The following UBAC1 variants were observed in gnomAD, a reference collection of about 807,000 sequenced individuals.
UBAC1 encodes the protein UBA domain containing 1.
A neutral mutation model predicts 45.9 loss-of-function variants in UBAC1; 27 were observed. That is an observed-to-expected ratio of 0.59 (90% CI 0.43 to 0.81). The LOEUF (loss-of-function observed/expected upper bound fraction) is 0.81. UBAC1 is among the 30% of genes least tolerant of loss of function. UBAC1 has a pLI of 0.00. For missense variants in UBAC1, 529 were observed against 539.2 expected, an observed-to-expected ratio of 0.98 and a Z score of 0.19; for synonymous variants, 227 against 215.5, an observed-to-expected ratio of 1.05 and a Z score of -0.47.
intron 7 of UBAC1, among the ~76,000 whole-genome samples, chr9:135,944,220 C>T (rs938100781): frequency 2.6e-5 from 4 of 152,192 alleles, no homozygotes; most frequent in African/African-American, 7.2e-5. Flanking sequence ...GGTTACACTG[C>T]GGGACATGGT....
chr9:135,939,933 T>C (rs909861226), intron 7 of UBAC1, among the ~76,000 whole-genome samples, 174 bp from the exon 8 acceptor site: 8 of 152,244 alleles, frequency 5.3e-5, no homozygotes, highest in Admixed American at 2.6e-4. Flanking sequence ...AGATCTTGGT[T>C]TTCAGCATCC....
intron 3 of UBAC1, among the ~76,000 whole-genome samples, chr9:135,950,893 G>A (rs575779255): frequency 1.1e-4 from 16 of 152,334 alleles, no homozygotes; most frequent in African/African-American, 3.8e-4. Context: ...AGGAGTTCAA[G>A]ACCAGCCTGG....
intron 3 of UBAC1, among the ~76,000 whole-genome samples, chr9:135,952,680 C>T (rs529923665): frequency 6.0e-4 from 91 of 152,362 alleles, no homozygotes; most frequent in African/African-American, 2.0e-3. Flanking sequence ...CAGCCTCTCT[C>T]AGCATTAACA....
At chr9:135,936,083 A>G (rs149707881) in intron 9 of UBAC1, among the ~76,000 whole-genome samples, 3,593 of 151,924 alleles carry the variant, frequency 0.024, 50 homozygotes, top group African/African-American at 0.024. Flanking sequence ...TGTCTATAAT[A>G]TGGAGGTGGG....
intron 1 of UBAC1, among the ~76,000 whole-genome samples, chr9:135,960,413 A>G (rs1405947314): frequency 6.6e-6 from 1 of 152,182 alleles, no homozygotes; most frequent in African/African-American, 2.4e-5. Context: ...GCAGGGGCGC[A>G]GGGCCTTGTC....
intron 4 of UBAC1, among the ~76,000 whole-genome samples, chr9:135,946,716 C>T (rs1396445893): frequency 6.6e-6 from 1 of 152,254 alleles, no homozygotes; most frequent in Admixed American, 6.5e-5. Flanking sequence ...AAAACAGAAT[C>T]ATCTGAGGCT....
At chr9:135,952,010 A>G (rs1041078911) in intron 3 of UBAC1, among the ~76,000 whole-genome samples, 2 of 152,196 alleles carry the variant, frequency 1.3e-5, no homozygotes, top group African/African-American at 4.8e-5. Flanking sequence ...CGGGCCTGTA[A>G]GTCTGAACAC....
At chr9:135,950,059 C>T (rs1424906610) in intron 3 of UBAC1, among the ~76,000 whole-genome samples, 6 of 152,202 alleles carry the variant, frequency 3.9e-5, no homozygotes, top group East Asian at 1.9e-4. Flanking sequence ...CTCTGCCAAC[C>T]GCCGGAAGAC....
At chr9:135,945,709 C>G in intron 6 of UBAC1, 180 bp downstream of exon 6, 1 of 599,862 alleles carries the variant, frequency 1.7e-6, no homozygotes. Context: ...AACGACTGTT[C>G]TGTCACATTC....
intron 1 of UBAC1, among the ~76,000 whole-genome samples, chr9:135,959,985 C>T (rs1839512361): frequency 6.6e-6 from 1 of 152,218 alleles, no homozygotes; most frequent in Admixed American, 6.5e-5. Context: ...TCCACAGAAC[C>T]ATGCTCACAA....
rs74667710 is a variant in UBAC1, at chr9:135,961,058, C to T, written c.105G>A (p.Ser35=). The change falls in exon 1 of 10, where the codon TCG becomes TCA. Residue 35 remains serine, a synonymous_variant. Coordinates refer to ENST00000371756, the MANE Select transcript of UBAC1 (RefSeq NM_016172.3). The part of the protein sequence containing the change: ...EWLEEATEDT[S]VEKLKERCLK... The stretch of plus-strand genomic sequence containing the variant: ...GGCAGCGCTCCTTGAGCTTCTCCAC[C>T]GAGGTGTCCTCGGTGGCCTCCTCCA... 2 of 1,578,558 alleles carry T rather than the reference C, an allele frequency of 1.3e-6. No individual in the cohort carries two copies. The highest frequency in any genetic ancestry group is 1.1e-5 in the South Asian group (1 of 87,734).
intron 7 of UBAC1, among the ~76,000 whole-genome samples, chr9:135,940,407 G>A (rs571747235): frequency 2.6e-5 from 4 of 151,816 alleles, no homozygotes; most frequent in Non-Finnish European, 4.4e-5. Context: ...GTGAAACCCC[G>A]TCTCTACTAA....
At chr9:135,952,427 G>A (rs765474323) in intron 3 of UBAC1, among the ~76,000 whole-genome samples, 1 of 152,214 alleles carries the variant, frequency 6.6e-6, no homozygotes, top group African/African-American at 2.4e-5. Flanking sequence ...CTCCATGCTC[G>A]GCACGGGCTC....
chr9:135,940,173 AAAGAG>A (rs1839251922), intron 7 of UBAC1, among the ~76,000 whole-genome samples: 1 of 152,182 alleles, frequency 6.6e-6, no homozygotes, highest in Non-Finnish European at 1.5e-5. Flanking sequence ...CTTGTTACCC[AAAGAG>A]AAGTGGCATT....
At chr9:135,955,760 G>A (rs189063766) in intron 1 of UBAC1, among the ~76,000 whole-genome samples, 17 of 152,308 alleles carry the variant, frequency 1.1e-4, no homozygotes, top group Admixed American at 1.0e-3. Flanking sequence ...GTTTCCTGAT[G>A]ACCTAAAGAT....
chr9:135,957,801 G>A (rs946041662), intron 1 of UBAC1, among the ~76,000 whole-genome samples: 2 of 145,102 alleles, frequency 1.4e-5, no homozygotes, highest in African/African-American at 2.6e-5. Context: ...TAAAGACAGG[G>A]TCTCATTCTG....
chr9:135,938,528 T>C (rs1248597646), intron 8 of UBAC1, among the ~76,000 whole-genome samples, 168 bp from the exon 9 acceptor site: 3 of 152,250 alleles, frequency 2.0e-5, no homozygotes, highest in Non-Finnish European at 4.4e-5. Flanking sequence ...GCAGTCTGGA[T>C]TCACTGCCGT....
chr9:135,947,085 C>T (rs895815972), intron 4 of UBAC1, among the ~76,000 whole-genome samples: 3 of 152,198 alleles, frequency 2.0e-5, no homozygotes, highest in African/African-American at 7.2e-5. Context: ...ATAGCAGTGC[C>T]CTTAGGTTGG....
intron 1 of UBAC1, among the ~76,000 whole-genome samples, chr9:135,959,269 G>A (rs954891015): frequency 1.3e-5 from 2 of 152,004 alleles, no homozygotes; most frequent in African/African-American, 4.8e-5. Context: ...CTCTAAGCCC[G>A]GCCCTGGACT....
Sources: gnomAD v4.1 joint callset for allele counts (sites outside exome capture counted in the v4.1 genomes callset) on GRCh38, gnomAD v4.1.1 for gene constraint, MANE v1.5 for transcripts, NCBI Gene and HGNC (gene_info 2026-07-23, HGNC 2026-07-21) for gene names.